Variants in REV3L observed in about 807,000 individuals in gnomAD.
REV3L encodes the protein REV3 like, DNA directed polymerase zeta catalytic subunit, also known as DNA polymerase zeta catalytic subunit.
Under a neutral mutation model 299.4 loss-of-function variants are expected in REV3L, and 69 were observed. The observed-to-expected ratio is 0.23, with a 90% CI of 0.19 to 0.28. The LOEUF is 0.28. Ranked by LOEUF, REV3L falls within the 10% of genes least tolerant of loss-of-function variation. The pLI is 1.00. For synonymous variants in REV3L, 1,238 were observed against 1,271.4 expected (o/e 0.97, Z 0.56); for missense variants, 3,128 against 3,693.8 (o/e 0.85, Z 3.97).
chr6:111,451,601 TA>T (rs1789547294), intron 1 of REV3L, among the ~76,000 whole-genome samples: 1 of 152,164 alleles, frequency 6.6e-6, no homozygotes, highest in South Asian at 2.1e-4. Context: ...ATACTCTGCC[TA>T]TATTTAAAGC....
chr6:111,367,918 G>A lies in REV3L; in HGVS notation c.5870C>T (p.Ser1957Leu), dbSNP rs373760586. The change falls in exon 14 of 32, where the codon TCA becomes TTA. Residue 1957 changes from serine (S) to leucine (L), a missense_variant. Physicochemically the swap from Ser to Leu is moderately radical, Grantham distance 145 (BLOSUM62 -2). This residue lies in a region of REV3L where 2,409 missense variants were observed against 2,611.8 expected (regional missense o/e 0.92). Coordinates refer to ENST00000368802, the MANE Select transcript of REV3L (RefSeq NM_001372078.1). ...EGLRLWKTAF[S>L]AMTQNPRPGS... is the part of the protein sequence containing the mutation. ...TGGCCTTGGATTCTGAGTCATTGCT[G>A]AGAATGCTGTTTTCCAAAGACGAAG... The A allele has an allele frequency of 8.2e-5, 133 of 1,613,992 alleles. No individual in the cohort carries two copies. Among genetic ancestry groups the A allele is most frequent in the Non-Finnish European group, 1.1e-4 (126 of 1,180,000 alleles).
Position 111,357,141 on chromosome 6 carries a change from A to G in REV3L, c.7073-16T>C. 1 of 1,164,458 alleles carries G rather than the reference A, an allele frequency of 8.6e-7. No individual in the cohort carries two copies. Among genetic ancestry groups the G allele is most frequent in the South Asian group, 1.6e-5 (1 of 64,316 alleles). 72.1% of individuals were successfully genotyped at this position (1,164,458 alleles called of 1,614,324 possible). A position where few individuals can be genotyped will look rare whatever the true frequency, so the allele number is the denominator to read the frequency against. ...TATCTGATATCTAAAAAACAAACAA[A>G]ATGTCTATTATATATAACATTATAT... On this transcript the variant is annotated splice_polypyrimidine_tract_variant and intron_variant, in intron 17 of 31. Transcript: ENST00000368802.
Position 111,416,427 on chromosome 6 carries a change from T to C in REV3L, c.185A>G (p.Tyr62Cys), listed in dbSNP as rs371959290. 77 of 1,613,660 alleles carry C rather than the reference T, an allele frequency of 4.8e-5. No individual in the cohort carries two copies. The highest frequency in any genetic ancestry group is 6.1e-5 in the Non-Finnish European group (72 of 1,179,796). Reference protein sequence around the residue: ...LHLHGIFPYLYVPYDGYGQQP... With the variant: ...LHLHGIFPYLCVPYDGYGQQP... ...CTGTCCATAACCATCGTATGGCACA[T>C]AGAGGTAAGGAAAGATGCCATGTAG... Residue 62 changes from tyrosine (Y) to cysteine (C), a missense_variant, in exon 2 of 32, where the codon TAT becomes TGT. Coordinates refer to ENST00000368802, the MANE Select transcript of REV3L (RefSeq NM_001372078.1).
chr6:111,421,940 C>G (rs1785411748), intron 1 of REV3L, among the ~76,000 whole-genome samples: 1 of 152,150 alleles, frequency 6.6e-6, no homozygotes, highest in African/African-American at 2.4e-5. Flanking sequence ...CTCCATCTTT[C>G]TTTTCCCATC....
At chr6:111,371,710 C>T (rs1779812873) in intron 13 of REV3L, among the ~76,000 whole-genome samples, 2 of 152,072 alleles carry the variant, frequency 1.3e-5, no homozygotes, top group African/African-American at 4.8e-5. Flanking sequence ...ATTACAGGCA[C>T]CTGCCACCAT....
At chr6:111,391,458 A>G (rs1409416596) in intron 5 of REV3L, among the ~76,000 whole-genome samples, 1 of 152,198 alleles carries the variant, frequency 6.6e-6, no homozygotes, top group Non-Finnish European at 1.5e-5. Flanking sequence ...GGAATATTAC[A>G]TGTTAGTTGT....
At chr6:111,347,594 G>T (rs1357982115) in intron 20 of REV3L, among the ~76,000 whole-genome samples, 2 of 152,156 alleles carry the variant, frequency 1.3e-5, no homozygotes. Flanking sequence ...AGCAATTGAA[G>T]AATTAGCTTT....
At chr6:111,365,378 T>A (rs1779087982) in intron 14 of REV3L, 34 bp from the exon 15 acceptor site, 1 of 1,259,016 alleles carries the variant, frequency 7.9e-7, no homozygotes, top group African/African-American at 1.5e-5. Context: ...AACATGTATA[T>A]CAAAATTACC....
intron 1 of REV3L, among the ~76,000 whole-genome samples, chr6:111,479,073 C>G (rs1418352814): frequency 6.6e-6 from 1 of 152,134 alleles, no homozygotes; most frequent in Non-Finnish European, 1.5e-5. Flanking sequence ...AAGCAAAAGT[C>G]GAGATGTGGA....
At chr6:111,402,165 C>T (rs1783153945) in intron 4 of REV3L, among the ~76,000 whole-genome samples, 1 of 152,078 alleles carries the variant, frequency 6.6e-6, no homozygotes, top group Non-Finnish European at 1.5e-5. Context: ...AGGATTTGCA[C>T]TTGCTGCTTC....
intron 1 of REV3L, among the ~76,000 whole-genome samples, chr6:111,462,769 T>C (rs1024443277): frequency 2.6e-5 from 4 of 152,196 alleles, no homozygotes; most frequent in African/African-American, 9.7e-5. Context: ...TGTGCTCATA[T>C]TTATAATTTA....
At chr6:111,379,894 T>C in intron 11 of REV3L, 88 bp downstream of exon 11, 1 of 832,496 alleles carries the variant, frequency 1.2e-6, no homozygotes. Context: ...AGGTATTTTA[T>C]ATCATGAACA....
rs760894571 is a variant in REV3L, at chr6:111,367,872, G to A, written c.5916C>T (p.Gly1972=). Residue 1972 remains glycine (G), a synonymous_variant, in exon 14 of 32, where the codon GGC becomes GGT. Transcript: ENST00000368802. ...NPRPGSPLRS[G]QGVVNKGSSN... is the part of the protein sequence containing the mutation. ...TTGACCCTTTATTGACAACTCCTTG[G>A]CCACTGCGAAGGGGTGACCCTGGCC... is the stretch of plus-strand genomic sequence containing the variant. 1.2e-6 allele frequency: 2 copies of A among 1,614,038 alleles called. No individual in the cohort carries two copies. Among genetic ancestry groups the A allele is most frequent in the Admixed American group, 1.7e-5 (1 of 60,018 alleles).
chr6:111,434,466 A>T (rs1293404818), intron 1 of REV3L, among the ~76,000 whole-genome samples: 1 of 152,112 alleles, frequency 6.6e-6, no homozygotes, highest in South Asian at 2.1e-4. Context: ...TACAAAAAAA[A>T]AAATTAGCTG....
intron 5 of REV3L, among the ~76,000 whole-genome samples, chr6:111,391,986 C>G (rs143149976): frequency 5.1e-4 from 78 of 152,342 alleles, no homozygotes; most frequent in Non-Finnish European, 9.1e-4. Flanking sequence ...GAGACCTTGT[C>G]TCAACAACAA....
chr6:111,367,298 T>C lies in REV3L; in HGVS notation c.6490A>G (p.Ile2164Val), dbSNP rs559819940. The change falls in exon 14 of 32, where the codon ATA (isoleucine) becomes GTA (valine). Residue 2164 changes from isoleucine to valine, a missense_variant. Ile to Val is a conservative substitution (Grantham distance 29). This residue lies in a region of REV3L where 2,409 missense variants were observed against 2,611.8 expected (regional missense o/e 0.92). Coordinates refer to ENST00000368802, the MANE Select transcript of REV3L (RefSeq NM_001372078.1). The part of the protein sequence containing the change: ...SLAFENFLKP[I>V]KDGIQKSPCS... ...GGGCTTTTTTGTATACCATCTTTTA[T>C]TGGCTTTAAGAAGTTCTCAAAAGCC... 2.5e-6 allele frequency: 4 copies of C among 1,611,218 alleles called. No individual in the cohort carries two copies. Among genetic ancestry groups the C allele is most frequent in the Admixed American group, 3.4e-5 (2 of 59,208 alleles).
intron 1 of REV3L, among the ~76,000 whole-genome samples, chr6:111,470,044 A>G: frequency 6.6e-6 from 1 of 152,196 alleles, no homozygotes; most frequent in East Asian, 1.9e-4. Flanking sequence ...GATTGATATT[A>G]AAATCTTACT....
chr6:111,415,185 A>T (rs1438359803), intron 2 of REV3L, among the ~76,000 whole-genome samples: 1 of 152,182 alleles, frequency 6.6e-6, no homozygotes, highest in Non-Finnish European at 1.5e-5. Flanking sequence ...ATTAAAACAC[A>T]AATTGCTGGG....
rs768168585 is a variant in REV3L, at chr6:111,367,701, T to C, written c.6087A>G (p.Gly2029=). The change falls in exon 14 of 32, where the codon GGA becomes GGG. Residue 2029 remains glycine (G), a synonymous_variant. Coordinates refer to ENST00000368802, the MANE Select transcript of REV3L (RefSeq NM_001372078.1). ...SKKLPKTKPT[G]VVKSAENFSS... Reference sequence around the variant, plus strand: ...TAAAGTTCTCAGCAGATTTTACAACTCCAGTTGGCTTGGTTTTAGGCAGTT... The same window carrying C: ...TAAAGTTCTCAGCAGATTTTACAACCCCAGTTGGCTTGGTTTTAGGCAGTT... 1.3e-5 allele frequency: 21 copies of C among 1,614,110 alleles called. No individual in the cohort carries two copies. Among genetic ancestry groups the C allele is most frequent in the Non-Finnish European group, 1.8e-5 (21 of 1,180,038 alleles).
Sources: allele counts gnomAD v4.1 joint callset (sites outside exome capture counted in the v4.1 genomes callset), GRCh38; gene constraint gnomAD v4.1.1; regional missense constraint gnomAD v4.1.1; transcripts MANE v1.5; gene names NCBI Gene and HGNC (gene_info 2026-07-23, HGNC 2026-07-21).